LDLRAD4: variants seen among roughly 807,000 people sequenced by gnomAD.
The protein encoded by LDLRAD4 is low density lipoprotein receptor class A domain containing 4.
In LDLRAD4, 5 loss-of-function variants were observed where a neutral mutation model predicts 17.0. That is an observed-to-expected ratio of 0.29 (90% CI 0.15 to 0.62). LDLRAD4 has a LOEUF of 0.62. LDLRAD4 is among the 20% of genes least tolerant of loss of function. The pLI is 0.84. For missense variants in LDLRAD4, 340 were observed against 424.7 expected, an observed-to-expected ratio of 0.80 and a Z score of 1.75; for synonymous variants, 168 against 171.8, an observed-to-expected ratio of 0.98 and a Z score of 0.17.
chr18:13,483,270 CTG>C (rs996971741), intron 3 of LDLRAD4, among the ~76,000 whole-genome samples: 2 of 152,196 alleles, frequency 1.3e-5, no homozygotes, highest in Non-Finnish European at 2.9e-5. Flanking sequence ...CAACACGGCT[CTG>C]TAGTTACTGA....
At position 13,440,943 on chromosome 18, in the gene LDLRAD4, G is replaced by C. The variant is rs766528600; in HGVS notation, c.181+2559G>C. Among the ~76,000 whole-genome samples, 9 of 152,212 alleles carry C rather than the reference G, an allele frequency of 5.9e-5. No homozygotes were observed. Among genetic ancestry groups the C allele is most frequent in the Non-Finnish European group, 1.2e-4 (8 of 68,028 alleles). ...CCTGGGGAAGGCTGCCACCTGGCCT[G>C]TGGCTGCCCCCTACGTTCCCCTCAG... On this transcript the variant is annotated intron_variant, in intron 3 of 5. Coordinates refer to ENST00000359446, the Ensembl canonical transcript of LDLRAD4. This position sits in a 1 kb window ranked among gnomAD's most constrained non-coding sequence, Gnocchi z 4.4.
rs546598331 is a variant in LDLRAD4 at position 13,452,895 on chromosome 18, A to T, written c.181+14511A>T. ...AGCCTGAGGGGTGACCCCCAGCGAG[A>T]ACCTCCAGGAAGGCCAGAGGCAACG... On this transcript the variant is annotated intron_variant, in intron 3 of 5. Transcript: ENST00000359446. Among the ~76,000 whole-genome samples, 9 of 152,270 alleles carry T rather than the reference A, an allele frequency of 5.9e-5. No homozygotes were observed. In the East Asian group the frequency reaches 1.5e-3, roughly 26 times the overall value.
At chr18:13,361,279 T>C (rs1233840096) in intron 1 of LDLRAD4, among the ~76,000 whole-genome samples, 1 of 152,166 alleles carries the variant, frequency 6.6e-6, no homozygotes, top group Non-Finnish European at 1.5e-5. Context: ...GGGTTTCACC[T>C]TGTTAGCCAG....
intron 1 of LDLRAD4, among the ~76,000 whole-genome samples, chr18:13,298,045 C>T (rs1464771164): frequency 6.6e-6 from 1 of 152,148 alleles, no homozygotes; most frequent in Non-Finnish European, 1.5e-5. Context: ...ATGGGGACAC[C>T]CTAGGGGGAC....
intron 2 of LDLRAD4, among the ~76,000 whole-genome samples, chr18:13,407,170 G>A (rs2087843653): frequency 6.6e-6 from 1 of 152,150 alleles, no homozygotes; most frequent in Non-Finnish European, 1.5e-5. Context: ...CTGTAAACTT[G>A]TGCATGAGTG....
intron 3 of LDLRAD4, among the ~76,000 whole-genome samples, chr18:13,503,003 A>G (rs559487196): frequency 2.0e-5 from 3 of 152,352 alleles, no homozygotes; most frequent in Admixed American, 6.5e-5. Context: ...TCAGTCAGGT[A>G]TATGTGCTTG....
chr18:13,649,773 T>TAC, exon 6 of LDLRAD4: 1 of 355,144 alleles, frequency 2.8e-6, no homozygotes, highest in Non-Finnish European at 5.0e-6. Flanking sequence ...AGATACTTGG[T>TAC]TTCTGTTAAC....
intron 3 of LDLRAD4, among the ~76,000 whole-genome samples, chr18:13,498,300 G>T (rs2093521215): frequency 8.7e-6 from 1 of 115,318 alleles, no homozygotes; most frequent in African/African-American, 3.4e-5. Flanking sequence ...GGACACTGGA[G>T]AATCCTTCTG....
chr18:13,468,051 G>A (rs544231972), intron 3 of LDLRAD4, among the ~76,000 whole-genome samples: 1 of 152,114 alleles, frequency 6.6e-6, no homozygotes, highest in African/African-American at 2.4e-5. Flanking sequence ...AAAACATAGG[G>A]GTAAGTTTTC....
chr18:13,466,065 T>C (rs747381534), intron 3 of LDLRAD4, among the ~76,000 whole-genome samples: 6 of 152,220 alleles, frequency 3.9e-5, no homozygotes, highest in Non-Finnish European at 8.8e-5. Context: ...AAATATATCT[T>C]GAATGAAATA....
At chr18:13,251,735 A>G (rs1293063586) in intron 1 of LDLRAD4, among the ~76,000 whole-genome samples, 1 of 152,232 alleles carries the variant, frequency 6.6e-6, no homozygotes, top group African/African-American at 2.4e-5. Context: ...TGACAAACAA[A>G]TGGAAAGTAC....
intron 3 of LDLRAD4, among the ~76,000 whole-genome samples, chr18:13,498,494 C>G (rs2093529406): frequency 6.6e-6 from 1 of 150,486 alleles, no homozygotes; most frequent in Non-Finnish European, 1.5e-5. Context: ...GCCGTGGACA[C>G]TGGAGAATCC....
chr18:13,304,408 C>T (rs1002624348), intron 1 of LDLRAD4, among the ~76,000 whole-genome samples: 10 of 152,196 alleles, frequency 6.6e-5, no homozygotes, highest in Non-Finnish European at 1.3e-4. Context: ...AGATGGCCCT[C>T]TTGGTGCTAG....
intron 1 of LDLRAD4, among the ~76,000 whole-genome samples, chr18:13,256,590 A>G (rs59843191): frequency 0.095 from 14,419 of 152,308 alleles, 807 homozygotes; most frequent in East Asian, 0.17. Context: ...AATCCCAGGA[A>G]TGCCAGCAGG....
At chr18:13,446,516 C>T (rs1195516174) in intron 3 of LDLRAD4, among the ~76,000 whole-genome samples, 1 of 152,160 alleles carries the variant, frequency 6.6e-6, no homozygotes, top group East Asian at 1.9e-4. Flanking sequence ...CCTAAGAGCC[C>T]CTGTGTGTCA....
intron 1 of LDLRAD4, among the ~76,000 whole-genome samples, chr18:13,341,563 G>A (rs1344226171): frequency 2.0e-5 from 3 of 151,962 alleles, no homozygotes; most frequent in Non-Finnish European, 4.4e-5. Flanking sequence ...GCTGATACTT[G>A]CATGCTGATT....
intron 3 of LDLRAD4, among the ~76,000 whole-genome samples, chr18:13,450,462 G>C (rs1311837438): frequency 6.6e-6 from 1 of 152,194 alleles, no homozygotes; most frequent in East Asian, 1.9e-4. Flanking sequence ...GTTTGGGGTA[G>C]TCACTTGTGG....
intron 3 of LDLRAD4, chr18:13,461,328 A>T (rs1395238274): frequency 6.6e-6 from 1 of 152,396 alleles, no homozygotes; most frequent in South Asian, 2.1e-4. Context: ...GACATAGTAA[A>T]CAAAGGTCAA....
intron 3 of LDLRAD4, among the ~76,000 whole-genome samples, chr18:13,572,457 G>C (rs2094706668): frequency 6.6e-6 from 1 of 152,220 alleles, no homozygotes; most frequent in Non-Finnish European, 1.5e-5. Context: ...CAGATAAAGA[G>C]AATCCCTTGG....
Sources: gnomAD v4.1 joint callset for allele counts (sites outside exome capture counted in the v4.1 genomes callset) on GRCh38, gnomAD v4.1.1 for gene constraint, Gnocchi (gnomAD v3.1) non-coding constraint, MANE v1.5 for transcripts, NCBI Gene and HGNC (gene_info 2026-07-23, HGNC 2026-07-21) for gene names.